SORCS1: variants seen among roughly 807,000 people sequenced by gnomAD.
SORCS1 encodes sortilin related VPS10 domain containing receptor 1, also known as VPS10 domain-containing receptor SorCS1.
Under a neutral mutation model 146.1 loss-of-function variants are expected in SORCS1, and 60 were observed. That is an observed-to-expected ratio of 0.41 (90% CI 0.33 to 0.51). The LOEUF is 0.51. SORCS1 is among the 20% of genes least tolerant of loss of function. SORCS1 has a pLI of 0.21. For synonymous variants in SORCS1, 637 were observed against 584.0 expected (o/e 1.09, Z -1.31); for missense variants, 1,352 against 1,487.6 (o/e 0.91, Z 1.50).
At chr10:107,106,051 G>A (rs1170267473) in intron 1 of SORCS1, among the ~76,000 whole-genome samples, 1 of 152,202 alleles carries the variant, frequency 6.6e-6, no homozygotes, top group African/African-American at 2.4e-5. Context: ...GGACTTCCGT[G>A]GACCTCCCAG....
intron 2 of SORCS1, among the ~76,000 whole-genome samples, chr10:106,899,752 T>C (rs1024453557): frequency 2.6e-5 from 4 of 152,144 alleles, no homozygotes; most frequent in African/African-American, 9.7e-5. Flanking sequence ...CAAGATAGAT[T>C]CAAAATCCCT....
rs540956209 is a variant in SORCS1, at chr10:106,835,730, G to A, written c.627-6057C>T. ...GCTTAAAAATCCTAACAGAAGCCGGGTGTGATGGCTCATGTCTGTAATCCC... is the reference window on the plus strand; with the variant it reads ...GCTTAAAAATCCTAACAGAAGCCGGATGTGATGGCTCATGTCTGTAATCCC... On this transcript the variant is annotated intron_variant, in intron 2 of 25. Coordinates refer to ENST00000263054, the MANE Select transcript of SORCS1 (RefSeq NM_052918.5). Among the ~76,000 whole-genome samples the A allele has an allele frequency of 2.0e-5, 3 of 152,224 alleles. No homozygotes were observed. The South Asian group carries it at 6.2e-4, about 32-fold the overall frequency.
chr10:106,878,317 G>T (rs1950670375), intron 2 of SORCS1, among the ~76,000 whole-genome samples: 1 of 151,764 alleles, frequency 6.6e-6, no homozygotes, highest in Non-Finnish European at 1.5e-5. Flanking sequence ...GGGGGCCTGG[G>T]AATATGCTAT....
intron 18 of SORCS1, among the ~76,000 whole-genome samples, chr10:106,631,273 T>C (rs759892288): frequency 9.2e-5 from 14 of 152,198 alleles, no homozygotes; most frequent in Non-Finnish European, 2.1e-4. Flanking sequence ...AGAAATTCCA[T>C]TCAAAACTAC....
intron 10 of SORCS1, 150 bp from the exon 11 acceptor site, chr10:106,679,884 C>G (rs1852308919): frequency 1.7e-6 from 1 of 599,932 alleles, no homozygotes; most frequent in Admixed American, 2.7e-5. Flanking sequence ...TATACCTACC[C>G]AACATCTTCC....
chr10:106,762,391 T>C (rs1859194057), intron 4 of SORCS1, among the ~76,000 whole-genome samples: 1 of 125,810 alleles, frequency 7.9e-6, no homozygotes, highest in African/African-American at 3.1e-5. Flanking sequence ...TTATTCTTTT[T>C]TTTTTTTTTT....
At chr10:106,870,741 G>T (rs1235271289) in intron 2 of SORCS1, among the ~76,000 whole-genome samples, 1 of 152,146 alleles carries the variant, frequency 6.6e-6, no homozygotes, top group Non-Finnish European at 1.5e-5. Flanking sequence ...AATCTTGGAA[G>T]ACAACCTAGG....
At chr10:106,695,719 T>TATC (rs10673458) in intron 9 of SORCS1, among the ~76,000 whole-genome samples, 140,237 of 152,072 alleles carry the variant, frequency 0.92, 64,931 homozygotes, top group Middle Eastern at 0.98. Flanking sequence ...ATATTAATGA[T>TATC]AACAAAATTC....
chr10:106,624,999 T>TG (rs773721353), intron 19 of SORCS1, among the ~76,000 whole-genome samples: 2 of 152,198 alleles, frequency 1.3e-5, no homozygotes, highest in Non-Finnish European at 2.9e-5. Flanking sequence ...AACTGGCAGA[T>TG]GCGGCTCCAT....
In SORCS1 at chr10:106,577,197, T is replaced by A; in HGVS notation, c.*223A>T. On this transcript the variant is annotated 3_prime_UTR_variant, in exon 26 of 26. Coordinates refer to ENST00000263054, the MANE Select transcript of SORCS1 (RefSeq NM_052918.5). ...TTATGTTTTGTTTTGTTTTTGTTTT[T>A]GTTTTTTTACTGGCGTCCTCCATTC... 6.6e-7 allele frequency: 1 copy of A among 1,521,800 alleles called. No homozygotes were observed. The highest frequency in any genetic ancestry group is 8.9e-7 in the Non-Finnish European group (1 of 1,128,592). 94.3% of individuals were successfully genotyped at this position (1,521,800 alleles called of 1,614,324 possible). A position where few individuals can be genotyped will look rare whatever the true frequency, so the allele number is the denominator to read the frequency against.
At position 106,677,524 on chromosome 10, in the gene SORCS1, A is replaced by G. The variant is rs1589643706; in HGVS notation, c.1741-120T>C. On this transcript the variant is annotated intron_variant, in intron 12 of 25. Coordinates refer to ENST00000263054, the MANE Select transcript of SORCS1 (RefSeq NM_052918.5). ...CCATGATAAAAATAGGTTTCCCTAA[A>G]TCTTTGCGAAAATAAAGCTATAGAA... is the stretch of plus-strand genomic sequence containing the variant. The G allele has an allele frequency of 1.8e-5, 15 of 819,322 alleles. No individual in the cohort carries two copies. The East Asian group carries it at 3.4e-4, about 19-fold the overall frequency. 50.8% of individuals were successfully genotyped at this position (819,322 alleles called of 1,614,324 possible).
intron 1 of SORCS1, among the ~76,000 whole-genome samples, chr10:107,017,315 A>T (rs1390414126): frequency 1.3e-5 from 2 of 152,256 alleles, no homozygotes; most frequent in Admixed American, 1.3e-4. Context: ...TTATAAAGCA[A>T]TGAAATGAGC....
intron 2 of SORCS1, among the ~76,000 whole-genome samples, chr10:106,889,888 TAAA>T (rs772421907): frequency 1.8e-4 from 13 of 71,662 alleles, no homozygotes; most frequent in South Asian, 5.6e-4. Context: ...ACGTCTCAAA[TAAA>T]AAAAAAAAAA....
chr10:106,835,716 C>G (rs1948749194), intron 2 of SORCS1, among the ~76,000 whole-genome samples: 1 of 152,064 alleles, frequency 6.6e-6, no homozygotes, highest in Admixed American at 6.6e-5. Flanking sequence ...CTTAAAAATC[C>G]TAACAGAAGC....
chr10:106,795,953 C>T (rs1391470880), intron 3 of SORCS1, among the ~76,000 whole-genome samples: 1 of 152,178 alleles, frequency 6.6e-6, no homozygotes, highest in African/African-American at 2.4e-5. Flanking sequence ...TTCTAGTGAT[C>T]TTCCAGTTCA....
upstream of SORCS1, among the ~76,000 whole-genome samples, chr10:107,166,843 A>G (rs1280314552): frequency 6.6e-6 from 1 of 152,270 alleles, no homozygotes; most frequent in Non-Finnish European, 1.5e-5. Flanking sequence ...CAAAATGGAA[A>G]AGAAGACATT....
intron 2 of SORCS1, among the ~76,000 whole-genome samples, chr10:106,913,611 C>T (rs1952270108): frequency 6.6e-6 from 1 of 152,182 alleles, no homozygotes; most frequent in Non-Finnish European, 1.5e-5. Context: ...GTTATTATGG[C>T]ATGAACAAAT....
intron 21 of SORCS1, among the ~76,000 whole-genome samples, chr10:106,612,322 C>G (rs1018550186): frequency 2.7e-5 from 4 of 147,038 alleles, no homozygotes; most frequent in Admixed American, 6.8e-5. Context: ...GACCACCCCC[C>G]CAGACTACCC....
intron 22 of SORCS1, among the ~76,000 whole-genome samples, chr10:106,608,065 T>C (rs1166559829): frequency 6.6e-6 from 1 of 152,242 alleles, no homozygotes; most frequent in Non-Finnish European, 1.5e-5. Flanking sequence ...CCCTGAATCC[T>C]CTCTCTAGAT....
Sources: allele counts gnomAD v4.1 joint callset (sites outside exome capture counted in the v4.1 genomes callset), GRCh38; gene constraint gnomAD v4.1.1; transcripts MANE v1.5; gene names NCBI Gene and HGNC (gene_info 2026-07-23, HGNC 2026-07-21).